Variants in PSAT1 observed in about 807,000 individuals in gnomAD.
PSAT1 encodes phosphoserine aminotransferase.
A neutral mutation model predicts 40.3 loss-of-function variants in PSAT1; 41 were observed. That is an observed-to-expected ratio of 1.02 (90% confidence interval 0.79 to 1.32). PSAT1 has a LOEUF of 1.32. PSAT1 is among the 40% of genes most tolerant of loss of function. The pLI is 0.00. For missense variants in PSAT1, 406 were observed against 455.8 expected (o/e 0.89, Z 0.99); for synonymous variants, 147 against 170.5 (o/e 0.86, Z 1.07).
At chr9:78,299,193 C>A (rs1259812436) in intron 1 of PSAT1, among the ~76,000 whole-genome samples, 2 of 114,492 alleles carry the variant, frequency 1.7e-5, no homozygotes, top group African/African-American at 3.5e-5. Flanking sequence ...TCCACAAAAG[C>A]AATGCATTCT....
At chr9:78,308,732 G>A in intron 6 of PSAT1, 149 bp downstream of exon 6, 1 of 873,128 alleles carries the variant, frequency 1.1e-6, no homozygotes, top group Non-Finnish European at 1.7e-6. Flanking sequence ...GAGGTGGATG[G>A]ACCACTTGAG....
intron 8 of PSAT1, 97 bp downstream of exon 8, chr9:78,328,285 T>C: frequency 6.7e-7 from 1 of 1,490,726 alleles, no homozygotes. Context: ...TAGCTTGGAG[T>C]AGCAGTTATG....
chr9:78,314,038 CTGTG>C (rs1828304999), intron 6 of PSAT1, among the ~76,000 whole-genome samples: 1 of 152,176 alleles, frequency 6.6e-6, no homozygotes, highest in Non-Finnish European at 1.5e-5. Context: ...GAACCCTATC[CTGTG>C]TGTTTGCAGG....
chr9:78,311,128 C>T lies in PSAT1; in HGVS notation c.740+2545C>T, dbSNP rs538820597. 1.9e-4 allele frequency among the ~76,000 whole-genome samples: 29 copies of T among 152,238 alleles called. No individual in the cohort carries two copies. In the South Asian group the frequency reaches 5.4e-3, roughly 28 times the overall value. ...GTGGGGCTGAGTCTTACCTCCCACTCGCCTGTCTTACCTCTGGGGAAGCAC... is the reference window on the plus strand; with the variant it reads ...GTGGGGCTGAGTCTTACCTCCCACTTGCCTGTCTTACCTCTGGGGAAGCAC... On this transcript the variant is annotated intron_variant, in intron 6 of 8. Transcript: ENST00000376588.
At chr9:78,326,955 A>ATATATATATATATATATATATTTTT in intron 7 of PSAT1, among the ~76,000 whole-genome samples, 1 of 75,964 alleles carries the variant, frequency 1.3e-5, no homozygotes, top group Admixed American at 1.8e-4. Flanking sequence ...ATATATATAT[A>ATATATATATATATATATATATTTTT]TTTTTTTTTT....
In PSAT1 at chr9:78,306,352, G is replaced by T. The variant is rs1828182882; in HGVS notation, c.436G>T (p.Ala146Ser). The part of the protein sequence containing the change: ...DPSTWNLNPD[A>S]SYVYYCANET... The stretch of plus-strand genomic sequence containing the variant: ...AAGCACCTGGAACCTCAACCCAGAT[G>T]CCTCCTACGTGTATTATTGCGCAAA... Residue 146 changes from alanine (A) to serine (S), a missense_variant, in exon 5 of 9, where the codon GCC (alanine) becomes TCC (serine). By Grantham distance (99) the Ala-to-Ser change is moderately conservative. Transcript: ENST00000376588. The T allele has an allele frequency of 6.2e-7, 1 of 1,612,620 alleles. No individual in the cohort carries two copies. The highest frequency in any genetic ancestry group is 1.3e-5 in the African/African-American group (1 of 74,862).
chr9:78,301,997 T>A lies in PSAT1; in HGVS notation c.165T>A (p.Asn55Lys). The change falls in exon 3 of 9, where the codon AAT becomes AAA. Residue 55 changes from asparagine to lysine, a missense_variant. Transcript: ENST00000376588. ...RSSDFAKIIN[N>K]TENLVRELLA... The stretch of plus-strand genomic sequence containing the variant: ...CAGATTTTGCCAAGATTATTAACAA[T>A]ACAGAGAATCTTGTGCGGGAATTGC... The A allele has an allele frequency of 6.2e-7, 1 of 1,611,650 alleles. No homozygotes were observed. Among genetic ancestry groups the A allele is most frequent in the Non-Finnish European group, 8.5e-7 (1 of 1,177,844 alleles).
chr9:78,328,880 C>A (rs911915566), intron 8 of PSAT1, 101 bp from the exon 9 acceptor site: 3 of 896,808 alleles, frequency 3.3e-6, no homozygotes, highest in African/African-American at 3.3e-5. Context: ...AAATGATGGT[C>A]TCAGGTGCTG....
In PSAT1 at chr9:78,328,113, A is replaced by G. The variant is rs1828527732; in HGVS notation, c.932A>G (p.Lys311Arg). Residue 311 changes from lysine to arginine, a missense_variant, in exon 8 of 9, where the codon AAA (lysine) becomes AGA (arginine). Coordinates refer to ENST00000376588, the MANE Select transcript of PSAT1 (RefSeq NM_058179.4). Reference sequence around the variant, plus strand: ...ATTCCATTCCGCATTGGCAATGCCAAAGGAGATGATGCTTTAGAAAAAAGA... The same window carrying G: ...ATTCCATTCCGCATTGGCAATGCCAGAGGAGATGATGCTTTAGAAAAAAGA... ...MNIPFRIGNA[K>R]GDDALEKRFL... 1 of 1,612,504 alleles carries G rather than the reference A, an allele frequency of 6.2e-7. No individual in the cohort carries two copies. Among genetic ancestry groups the G allele is most frequent in the Non-Finnish European group, 8.5e-7 (1 of 1,179,744 alleles).
chr9:78,327,723 T>C (rs557924910), intron 7 of PSAT1, among the ~76,000 whole-genome samples: 13 of 152,182 alleles, frequency 8.5e-5, no homozygotes, highest in Non-Finnish European at 1.6e-4. Flanking sequence ...TGCCATGTGT[T>C]GGAAGCTTCA....
At chr9:78,326,955 ATT>A (rs1554688170) in intron 7 of PSAT1, among the ~76,000 whole-genome samples, 9 of 75,964 alleles carry the variant, frequency 1.2e-4, no homozygotes, top group African/African-American at 4.7e-4. Flanking sequence ...ATATATATAT[ATT>A]TTTTTTTTTT....
At chr9:78,312,047 C>T (rs10746572) in intron 6 of PSAT1, among the ~76,000 whole-genome samples, 43,960 of 149,284 alleles carry the variant, frequency 0.29, 6,615 homozygotes, top group East Asian at 0.45. Flanking sequence ...TTTGAAAAGA[C>T]GCCTTTTTTT....
At chr9:78,306,199 G>A in intron 4 of PSAT1, 115 bp from the exon 5 acceptor site, 1 of 1,111,378 alleles carries the variant, frequency 9.0e-7, no homozygotes, top group South Asian at 1.2e-5. Context: ...ATGCTTTGGA[G>A]TCAGTTAGTC....
chr9:78,306,259 G>A (rs1828181009), intron 4 of PSAT1, 55 bp from the exon 5 acceptor site: 2 of 1,590,720 alleles, frequency 1.3e-6, no homozygotes, highest in African/African-American at 2.7e-5. Context: ...TCCCATCTAT[G>A]TAAGGAAAGA....
At position 78,328,205 on chromosome 9, in the gene PSAT1, T is replaced by C; in HGVS notation, c.1007+17T>C. On this transcript the variant is annotated intron_variant, in intron 8 of 8. Transcript: ENST00000376588. ...AGGGCATAGGTGAGTACATCTGCAA[T>C]GCACGAGCTTGGCAAAGAATTAGCT... 1 of 1,614,014 alleles carries C rather than the reference T, an allele frequency of 6.2e-7. No homozygotes were observed. The highest frequency in any genetic ancestry group is 8.5e-7 in the Non-Finnish European group (1 of 1,180,004).
intron 7 of PSAT1, among the ~76,000 whole-genome samples, chr9:78,321,827 C>T (rs1434194278): frequency 1.3e-5 from 2 of 152,180 alleles, no homozygotes; most frequent in East Asian, 3.9e-4. Flanking sequence ...CTCTAAGCCA[C>T]AGTTTTCTCA....
intron 6 of PSAT1, among the ~76,000 whole-genome samples, chr9:78,311,878 G>T (rs946721882): frequency 7.3e-5 from 11 of 149,866 alleles, no homozygotes; most frequent in Admixed American, 2.0e-4. Flanking sequence ...ACCATGCAAG[G>T]TTAGAAAATC....
chr9:78,329,453 TA>T lies in PSAT1; in HGVS notation c.*368del, dbSNP rs1828549760. 9.3e-6 allele frequency: 3 copies of T among 322,722 alleles called. No homozygotes were observed. Among genetic ancestry groups the T allele is most frequent in the South Asian group, 2.7e-5 (1 of 36,826 alleles). The allele number at this position is 322,722 out of a possible 1,614,324, so 20.0% of individuals were successfully genotyped here. A position where few individuals can be genotyped will look rare whatever the true frequency, so the allele number is the denominator to read the frequency against. ...TCATGGGAACACACAGCACAGAGGG[TA>T]GGGGGGCCCTCTAGGTGCTGAATCT... On this transcript the variant is annotated 3_prime_UTR_variant, in exon 9 of 9. Coordinates refer to ENST00000376588, the MANE Select transcript of PSAT1 (RefSeq NM_058179.4).
rs2039325 is a variant in PSAT1 at position 78,308,759 on chromosome 9, T to C, written c.740+176T>C. 0.79 allele frequency among the ~76,000 whole-genome samples: 120,203 copies of C among 152,122 alleles called. 47,585 individuals carry two copies. Among genetic ancestry groups the C allele is most frequent in the Middle Eastern group, 0.82 (241 of 294 alleles). Reference sequence around the variant, plus strand: ...CCACTTGAGGTCAGGAGCTAGAGACTAGCCTGACCAACATGGTGAAACCCT... The same window carrying C: ...CCACTTGAGGTCAGGAGCTAGAGACCAGCCTGACCAACATGGTGAAACCCT... On this transcript the variant is annotated intron_variant, in intron 6 of 8. Transcript: ENST00000376588.
Sources: allele counts gnomAD v4.1 joint callset (sites outside exome capture counted in the v4.1 genomes callset), GRCh38; gene constraint gnomAD v4.1.1; transcripts MANE v1.5; gene names NCBI Gene and HGNC (gene_info 2026-07-23, HGNC 2026-07-21).